The following B9D1 variants were observed in gnomAD, a reference collection of about 807,000 sequenced individuals.
The protein encoded by B9D1 is B9 domain-containing protein 1.
In B9D1, 20 loss-of-function variants were observed where a neutral mutation model predicts 26.1. The observed-to-expected ratio is 0.77, with a 90% CI of 0.54 to 1.12. The LOEUF (loss-of-function observed/expected upper bound fraction) is 1.12, where lower values mean the gene tolerates loss of function less well. B9D1 is among the 50% of genes most tolerant of loss of function. B9D1 has a pLI of 0.00. For synonymous variants in B9D1, 105 were observed against 103.1 expected, an observed-to-expected ratio of 1.02 and a Z score of -0.11; for missense variants, 260 against 273.7, an observed-to-expected ratio of 0.95 and a Z score of 0.35.
intron 3 of B9D1, among the ~76,000 whole-genome samples, chr17:19,348,365 T>C (rs1482910411): frequency 6.6e-6 from 1 of 152,150 alleles, no homozygotes; most frequent in Non-Finnish European, 1.5e-5. Context: ...TTATAGGTAC[T>C]ATAATAGGTG....
chr17:19,335,653 C>T (rs946565955), downstream of B9D1: 1 of 424,492 alleles, frequency 2.4e-6, no homozygotes, highest in Non-Finnish European at 4.1e-6. Flanking sequence ...GGCCCTGATC[C>T]ACCTACCTGC....
At chr17:19,355,654 C>T (rs1339365966) in intron 3 of B9D1, among the ~76,000 whole-genome samples, 1 of 151,638 alleles carries the variant, frequency 6.6e-6, no homozygotes, top group African/African-American at 2.4e-5. Flanking sequence ...ACGGTGAAAC[C>T]CCGTCTCTAC....
intron 5 of B9D1, among the ~76,000 whole-genome samples, chr17:19,344,238 G>A (rs1474983553): frequency 4.6e-5 from 7 of 152,154 alleles, no homozygotes; most frequent in Non-Finnish European, 1.0e-4. Context: ...CTGAGGTGGG[G>A]GAGGGGAGGG....
downstream of B9D1, chr17:19,335,583 G>A (rs1567873873): frequency 1.1e-5 from 12 of 1,063,726 alleles, no homozygotes; most frequent in South Asian, 5.6e-5. Flanking sequence ...CTGTGCCCAC[G>A]GGTCCCTGGG....
chr17:19,372,545 C>T lies in B9D1; in HGVS notation c.-298+5314G>A, dbSNP rs1332829931. Among the ~76,000 whole-genome samples, 1 of 152,218 alleles carries T rather than the reference C, an allele frequency of 6.6e-6. No homozygotes were observed. The highest frequency in any genetic ancestry group is 1.5e-5 in the Non-Finnish European group (1 of 68,042). Reference sequence around the variant, plus strand: ...TTAGGTCCTGACTTACATGTCACTTCCAGGGCCCCTTCCCGACTTCCTGTG... The same window carrying T: ...TTAGGTCCTGACTTACATGTCACTTTCAGGGCCCCTTCCCGACTTCCTGTG... On this transcript the variant is annotated intron_variant, in intron 1 of 5. Coordinates refer to the B9D1 transcript ENST00000477478. This position sits in a 1 kb window ranked among gnomAD's most constrained non-coding sequence, Gnocchi z 4.4.
intron 5 of B9D1, among the ~76,000 whole-genome samples, chr17:19,344,222 C>T (rs767985006): frequency 6.6e-6 from 1 of 152,098 alleles, no homozygotes; most frequent in Non-Finnish European, 1.5e-5. Context: ...AGAAAAGTGA[C>T]AGCAGCTGAG....
downstream of B9D1, among the ~76,000 whole-genome samples, chr17:19,342,368 T>C (rs935605794): frequency 6.6e-6 from 1 of 152,086 alleles, no homozygotes; most frequent in Non-Finnish European, 1.5e-5. Flanking sequence ...GCAAGTGCCA[T>C]GACGACAGTC....
Position 19,343,455 on chromosome 17 carries a change from C to T in B9D1, c.479G>A (p.Arg160His), listed in dbSNP as rs538949071. 5.0e-5 allele frequency: 81 copies of T among 1,614,162 alleles called. No homozygotes were observed. The East Asian group carries it at 1.2e-3, about 24-fold the overall frequency. Reference sequence around the variant, plus strand: ...GGTGACAAAGCCCTGAGAACGGACACGGGTCACTGGGGACAGAAGGGCAGC... The same window carrying T: ...GGTGACAAAGCCCTGAGAACGGACATGGGTCACTGGGGACAGAAGGGCAGC... ...VAQGEGREVT[R>H]VRSQGFVTLL... The change falls in exon 7 of 7, where the codon CGT becomes CAT. Residue 160 changes from arginine (R) to histidine (H), a missense_variant. Transcript: ENST00000261499.
chr17:19,375,835 A>G (rs930782577), intron 1 of B9D1, among the ~76,000 whole-genome samples: 14 of 152,216 alleles, frequency 9.2e-5, no homozygotes, highest in African/African-American at 3.4e-4. Flanking sequence ...TGCTGGAGAA[A>G]ACAGCTTGGC....
At position 19,360,111 on chromosome 17, in the gene B9D1, T is replaced by G. The variant is rs7213401; in HGVS notation, c.132+209A>C. Among the ~76,000 whole-genome samples the G allele has an allele frequency of 0.97, 147,368 of 152,262 alleles. 71,580 individuals carry two copies. The highest frequency in any genetic ancestry group is 0.99 in the African/African-American group (41,327 of 41,568). On this transcript the variant is annotated intron_variant, in intron 2 of 6. Coordinates refer to ENST00000261499, the MANE Select transcript of B9D1 (RefSeq NM_015681.6). ...CCCGGGGAAGCTCACAGGGTAGGGC[T>G]TCTGAGTGCAGTCTTGGTGGATGGA... is the stretch of plus-strand genomic sequence containing the variant.
chr17:19,340,736 C>T (rs963041108), downstream of B9D1, among the ~76,000 whole-genome samples: 20 of 148,538 alleles, frequency 1.3e-4, no homozygotes, highest in Non-Finnish European at 2.4e-4. Context: ...TTGCAGTCAG[C>T]CAGGACCGTG....
Position 19,357,830 on chromosome 17 carries a change from G to A in B9D1, c.244+10C>T. 6.2e-7 allele frequency: 1 copy of A among 1,604,880 alleles called. No homozygotes were observed. Among genetic ancestry groups the A allele is most frequent in the African/African-American group, 1.3e-5 (1 of 74,870 alleles). ...TGCCACCCTACCCCACAGGGCCCCT[G>A]CAGACTCACAGCCGTAGGGGTTGGT... On this transcript the variant is annotated intron_variant, in intron 3 of 6. Coordinates refer to ENST00000261499, the MANE Select transcript of B9D1 (RefSeq NM_015681.6).
At chr17:19,337,432 T>C (rs918123879), downstream of B9D1, 4 of 357,192 alleles carry the variant, frequency 1.1e-5, no homozygotes, top group Non-Finnish European at 1.6e-5. Context: ...GAGACGAGCC[T>C]GGAGGGAGGT....
chr17:19,371,120 T>C (rs1171391900), intron 1 of B9D1: 2 of 152,410 alleles, frequency 1.3e-5, no homozygotes, highest in Non-Finnish European at 2.9e-5. Context: ...CTGGCCACTG[T>C]GTGTGCTGAC....
At position 19,359,157 on chromosome 17, in the gene B9D1, C is replaced by T. The variant is rs554590477; in HGVS notation, c.132+1163G>A. ...GCTGCCTGCTCTTGCCCTTTCCCCC[C>T]GAGTCTATCCTTGTCGTAGAAGCCA... On this transcript the variant is annotated intron_variant, in intron 2 of 6. Coordinates refer to ENST00000261499, the MANE Select transcript of B9D1 (RefSeq NM_015681.6). This position sits in a 1 kb window ranked among gnomAD's most constrained non-coding sequence, Gnocchi z 5.0. Among the ~76,000 whole-genome samples the T allele has an allele frequency of 1.3e-5, 2 of 152,350 alleles. No homozygotes were observed. Among genetic ancestry groups the T allele is most frequent in the South Asian group, 2.1e-4 (1 of 4,832 alleles).
At chr17:19,361,827 T>G (rs920433412) in intron 1 of B9D1, among the ~76,000 whole-genome samples, 1 of 152,160 alleles carries the variant, frequency 6.6e-6, no homozygotes, top group Admixed American at 6.5e-5. Flanking sequence ...TGGGTTCAAT[T>G]CCCAGACAGG....
At chr17:19,367,974 C>A (rs531454045) in intron 1 of B9D1, among the ~76,000 whole-genome samples, 12 of 152,146 alleles carry the variant, frequency 7.9e-5, no homozygotes, top group Non-Finnish European at 1.5e-4. Flanking sequence ...CTTTGGGGAG[C>A]ACTCTGGGGG....
rs1260627334 is a variant in B9D1, at chr17:19,362,587, C to CG, written c.-19dup. On this transcript the variant is annotated 5_prime_UTR_variant, in exon 1 of 7. Transcript: ENST00000261499. ...GTCGCCATGGCAGGTCTGGGGGTGC[C>CG]GGGGGGACCCACCTAGGCCGCGCGC... is the stretch of plus-strand genomic sequence containing the variant. 13 of 1,586,326 alleles carry CG rather than the reference C, an allele frequency of 8.2e-6. No homozygotes were observed. Among genetic ancestry groups the CG allele is most frequent in the Non-Finnish European group, 1.1e-5 (13 of 1,166,276 alleles).
chr17:19,357,587 C>T (rs1470222258), intron 3 of B9D1: 1 of 527,926 alleles, frequency 1.9e-6, no homozygotes, highest in East Asian at 3.5e-5. Flanking sequence ...ACAGGCGTGG[C>T]CACTAGCCCT....
Sources: gnomAD v4.1 joint callset for allele counts (sites outside exome capture counted in the v4.1 genomes callset) on GRCh38, gnomAD v4.1.1 for gene constraint, Gnocchi (gnomAD v3.1) non-coding constraint, MANE v1.5 for transcripts, NCBI Gene and HGNC (gene_info 2026-07-23, HGNC 2026-07-21) for gene names.